Variants in BLK observed in about 807,000 individuals in gnomAD.
The protein encoded by BLK is tyrosine-protein kinase Blk.
In BLK, 64 loss-of-function variants were observed where a neutral mutation model predicts 61.8. The observed-to-expected ratio is 1.03, with a 90% CI of 0.85 to 1.27. The LOEUF is 1.27. BLK is among the 50% of genes most tolerant of loss of function. BLK has a pLI of 0.00. For synonymous variants in BLK, 351 were observed against 272.0 expected (o/e 1.29, Z -2.86); for missense variants, 853 against 660.5 (o/e 1.29, Z -3.19).
At chr8:11,518,803 T>A (rs1362287167) in intron 1 of BLK, among the ~76,000 whole-genome samples, 1 of 152,158 alleles carries the variant, frequency 6.6e-6, no homozygotes, top group Non-Finnish European at 1.5e-5. Context: ...GCTGCTCTGC[T>A]CCAAGTGCAG....
In BLK at chr8:11,564,199, C is replaced by A; in HGVS notation, c.*91C>A. 1 of 1,427,994 alleles carries A rather than the reference C, an allele frequency of 7.0e-7. No homozygotes were observed. 88.5% of individuals were successfully genotyped at this position (1,427,994 alleles called of 1,614,324 possible). ...CAGACGGGCCGCGAAGGCGGGGTGT[C>A]GCCTGTGCCCTTTTCTCAGACCCGG... On this transcript the variant is annotated 3_prime_UTR_variant, in exon 13 of 13. Coordinates refer to ENST00000259089, the MANE Select transcript of BLK (RefSeq NM_001715.3).
chr8:11,560,174 G>C lies in BLK; in HGVS notation c.1030-1128G>C, dbSNP rs1487009743. 1.4e-3 allele frequency among the ~76,000 whole-genome samples: 84 copies of C among 60,012 alleles called. 3 individuals are homozygous for C. In the South Asian group the frequency reaches 0.05, roughly 36 times the overall value. The allele number at this position is 60,012 out of a possible 152,430, so 39.4% of individuals were successfully genotyped here. A position where few individuals can be genotyped will look rare whatever the true frequency, so the allele number is the denominator to read the frequency against. Reference sequence around the variant, plus strand: ...GGGTGGGTGGGTGGGTGGGTGGATGGATGGATGCATGGATGGATGGATGGA... The same window carrying C: ...GGGTGGGTGGGTGGGTGGGTGGATGCATGGATGCATGGATGGATGGATGGA... On this transcript the variant is annotated intron_variant, in intron 10 of 12. Coordinates refer to ENST00000259089, the MANE Select transcript of BLK (RefSeq NM_001715.3).
chr8:11,544,935 C>G (rs1259965789), intron 2 of BLK, among the ~76,000 whole-genome samples: 2 of 152,194 alleles, frequency 1.3e-5, no homozygotes, highest in Admixed American at 6.5e-5. Context: ...TTGAATCTCC[C>G]TCCTCCCTCC....
chr8:11,546,777 T>C (rs1202978622), intron 3 of BLK, among the ~76,000 whole-genome samples: 1 of 152,198 alleles, frequency 6.6e-6, no homozygotes, highest in Non-Finnish European at 1.5e-5. Context: ...GGTTTCACCA[T>C]GTTGGCCAGA....
At chr8:11,499,146 G>A (rs902209015) in intron 1 of BLK, among the ~76,000 whole-genome samples, 1 of 152,214 alleles carries the variant, frequency 6.6e-6, no homozygotes, top group South Asian at 2.1e-4. Context: ...TGAAGACACT[G>A]TATTTTGCCT....
intron 10 of BLK, among the ~76,000 whole-genome samples, chr8:11,559,415 A>T (rs1241861003): frequency 6.6e-6 from 1 of 151,844 alleles, no homozygotes; most frequent in Non-Finnish European, 1.5e-5. Flanking sequence ...ACAGACACAC[A>T]GACTCACACA....
At chr8:11,554,171 T>C (rs1279840890) in intron 6 of BLK, 1 of 162,882 alleles carries the variant, frequency 6.1e-6, no homozygotes, top group Non-Finnish European at 1.4e-5. Context: ...ACCCTTGACA[T>C]CTGCTACCAC....
rs535184490 is a variant in BLK, at chr8:11,555,402, C to T, written c.690C>T (p.Ala230=). The change falls in exon 8 of 13, where the codon GCC becomes GCT. Residue 230 remains alanine, a synonymous_variant. Coordinates refer to ENST00000259089, the MANE Select transcript of BLK (RefSeq NM_001715.3). ...GCCCGGCCCCGCAGAATCCCTGGGC[C>T]CAGGATGAATGGGAGATCCCCCGGC... ...CVRPAPQNPW[A]QDEWEIPRQS... The T allele has an allele frequency of 1.9e-4, 311 of 1,614,134 alleles. 4 individuals are homozygous for T. The South Asian group carries it at 3.2e-3, about 17-fold the overall frequency.
At chr8:11,531,392 G>T (rs1017492781) in intron 1 of BLK, among the ~76,000 whole-genome samples, 9 of 152,116 alleles carry the variant, frequency 5.9e-5, no homozygotes, top group Admixed American at 2.6e-4. Context: ...GGAATAGAAG[G>T]TCACGTTTGT....
rs1260759594 is a variant in BLK at position 11,535,257 on chromosome 8, GAAAGAAGAAAGA to G, written c.-1-7964_-1-7953del. 7.1e-5 allele frequency among the ~76,000 whole-genome samples: 8 copies of G among 111,906 alleles called. No individual in the cohort carries two copies. The South Asian group carries it at 1.5e-3, about 20-fold the overall frequency. 73.4% of individuals were successfully genotyped at this position (111,906 alleles called of 152,430 possible). A position where few individuals can be genotyped will look rare whatever the true frequency, so the allele number is the denominator to read the frequency against. On this transcript the variant is annotated intron_variant, in intron 1 of 12. Coordinates refer to ENST00000259089, the MANE Select transcript of BLK (RefSeq NM_001715.3). ...AAAGAAAAGAAGGAAAGGAAAGAAA[GAAAGAAGAAAGA>G]AAGAAAGAAAGAAAGAAAGAAAGAA...
chr8:11,496,701 A>G (rs950913523), intron 1 of BLK, among the ~76,000 whole-genome samples: 5 of 152,200 alleles, frequency 3.3e-5, no homozygotes, highest in African/African-American at 4.8e-5. Context: ...GGAAGCAGAA[A>G]GCCAGGAATG....
rs749146255 is a variant in BLK, at chr8:11,550,156, C to G, written c.369-3C>G. 6 of 1,614,000 alleles carry G rather than the reference C, an allele frequency of 3.7e-6. No individual in the cohort carries two copies. In the South Asian group the frequency reaches 6.6e-5, roughly 18 times the overall value. Reference sequence around the variant, plus strand: ...AGTTTCACCTGTTCCTGCCGTTTTCCAGGTGGTTCTTTAGATCACAGGGTC... The same window carrying G: ...AGTTTCACCTGTTCCTGCCGTTTTCGAGGTGGTTCTTTAGATCACAGGGTC... On this transcript the variant is annotated splice_polypyrimidine_tract_variant and splice_region_variant and intron_variant, in intron 5 of 12. Coordinates refer to ENST00000259089, the MANE Select transcript of BLK (RefSeq NM_001715.3).
At chr8:11,521,963 C>T (rs1437403879) in intron 1 of BLK, among the ~76,000 whole-genome samples, 3 of 152,090 alleles carry the variant, frequency 2.0e-5, no homozygotes, top group African/African-American at 7.2e-5. Flanking sequence ...CTCAAAAACA[C>T]CCTTTGGAAT....
chr8:11,555,547 C>T, intron 8 of BLK, 63 bp downstream of exon 8: 1 of 1,609,114 alleles, frequency 6.2e-7, no homozygotes, highest in Non-Finnish European at 8.5e-7. Context: ...ATCCTGAGTC[C>T]AGGTTCAGCA....
chr8:11,555,600 A>G (rs2117552601), intron 8 of BLK, 116 bp downstream of exon 8: 1 of 1,494,844 alleles, frequency 6.7e-7, no homozygotes, highest in East Asian at 2.4e-5. Context: ...CTTGAGAGGG[A>G]GCGAGGACAG....
At chr8:11,504,367 G>GAAAGAAAGA (rs1554540060) in intron 1 of BLK, among the ~76,000 whole-genome samples, 1 of 39,360 alleles carries the variant, frequency 2.5e-5, no homozygotes, top group Non-Finnish European at 6.9e-5. Context: ...AAGGAAGGAA[G>GAAAGAAAGA]AAAGAAAAGA....
At chr8:11,544,715 C>G (rs7017352) in intron 2 of BLK, among the ~76,000 whole-genome samples, 7,584 of 152,202 alleles carry the variant, frequency 0.05, 398 homozygotes, top group Middle Eastern at 0.14. Context: ...TGCCTCGAGA[C>G]CCTTCTTCCG....
At chr8:11,560,483 GCTGGC>G in intron 10 of BLK, 1 of 250,008 alleles carries the variant, frequency 4.0e-6, no homozygotes, top group South Asian at 5.0e-5. Context: ...CAATTCTAGT[GCTGGC>G]TTCTTGAAGT....
chr8:11,548,889 C>T, intron 4 of BLK, 135 bp from the exon 5 acceptor site: 1 of 824,778 alleles, frequency 1.2e-6, no homozygotes, highest in Non-Finnish European at 2.1e-6. Flanking sequence ...CAAGCCCCTT[C>T]CTGCCTGCCG....
Sources: gnomAD v4.1 joint callset for allele counts (sites outside exome capture counted in the v4.1 genomes callset) on GRCh38, gnomAD v4.1.1 for gene constraint, MANE v1.5 for transcripts, NCBI Gene and HGNC (gene_info 2026-07-23, HGNC 2026-07-21) for gene names.